The following ITFG1 variants were observed in gnomAD, a reference collection of about 807,000 sequenced individuals.
ITFG1 encodes the protein integrin alpha FG-GAP repeat containing 1, also known as T-cell immunomodulatory protein.
In ITFG1, 34 loss-of-function variants were observed where a neutral mutation model predicts 81.8. The observed-to-expected ratio is 0.42, with a 90% confidence interval of 0.32 to 0.55. The LOEUF is 0.55. Among genes scored for constraint, ITFG1 ranks in the 20% least tolerant of loss-of-function variants. The pLI is 0.17. For missense variants in ITFG1, 672 were observed against 755.4 expected, an observed-to-expected ratio of 0.89 and a Z score of 1.29; for synonymous variants, 285 against 270.6, an observed-to-expected ratio of 1.05 and a Z score of -0.52.
At chr16:47,185,455 T>C (rs377712336) in intron 14 of ITFG1, among the ~76,000 whole-genome samples, 1 of 152,160 alleles carries the variant, frequency 6.6e-6, no homozygotes, top group Non-Finnish European at 1.5e-5. Context: ...GGATTAAGAA[T>C]CTCACTCAAA....
intron 5 of ITFG1, among the ~76,000 whole-genome samples, chr16:47,439,399 TG>T (rs1969214742): frequency 6.6e-6 from 1 of 151,936 alleles, no homozygotes; most frequent in Admixed American, 6.6e-5. Context: ...TCACCAAAGT[TG>T]AAATGAAAGA....
chr16:47,302,595 T>C (rs1243842042), intron 10 of ITFG1, among the ~76,000 whole-genome samples: 1 of 152,178 alleles, frequency 6.6e-6, no homozygotes, highest in Non-Finnish European at 1.5e-5. Flanking sequence ...AATTTAAACG[T>C]TGTAAAAACT....
chr16:47,227,102 C>T (rs965118252), intron 13 of ITFG1, among the ~76,000 whole-genome samples: 3 of 152,138 alleles, frequency 2.0e-5, no homozygotes, highest in Admixed American at 1.3e-4. Flanking sequence ...TGAAATGATA[C>T]AACTGATACC....
chr16:47,211,341 A>G (rs546321851), intron 14 of ITFG1, among the ~76,000 whole-genome samples: 1 of 152,358 alleles, frequency 6.6e-6, no homozygotes, highest in African/African-American at 2.4e-5. Context: ...TAATGTACAG[A>G]CATACAACTG....
chr16:47,279,342 T>C (rs1020025181), intron 10 of ITFG1, among the ~76,000 whole-genome samples: 26 of 152,320 alleles, frequency 1.7e-4, no homozygotes, highest in Middle Eastern at 3.4e-3. Context: ...GGTTTTTTTT[T>C]CCCTGCTAGG....
chr16:47,407,993 C>A (rs1166232979), intron 6 of ITFG1, among the ~76,000 whole-genome samples: 1 of 152,156 alleles, frequency 6.6e-6, no homozygotes, highest in Non-Finnish European at 1.5e-5. Context: ...CTACAAACAA[C>A]TGACACTCAG....
intron 6 of ITFG1, among the ~76,000 whole-genome samples, chr16:47,420,490 G>A (rs554629643): frequency 1.3e-5 from 2 of 152,290 alleles, no homozygotes; most frequent in Admixed American, 6.5e-5. Flanking sequence ...TAGAAAGCAC[G>A]TTGACATCTG....
chr16:47,171,425 C>G (rs1194597088), intron 14 of ITFG1, among the ~76,000 whole-genome samples: 1 of 151,924 alleles, frequency 6.6e-6, no homozygotes, highest in Non-Finnish European at 1.5e-5. Context: ...TTGCCTTTTC[C>G]CTTTTTTTTT....
At chr16:47,430,103 G>T (rs187973747) in intron 5 of ITFG1, among the ~76,000 whole-genome samples, 36 of 149,656 alleles carry the variant, frequency 2.4e-4, no homozygotes, top group Admixed American at 5.3e-4. Context: ...TGTCACCCAG[G>T]TTGTAGTGCA....
At chr16:47,357,158 A>G (rs16956031) in intron 8 of ITFG1, among the ~76,000 whole-genome samples, 10,659 of 152,208 alleles carry the variant, frequency 0.07, 641 homozygotes, top group African/African-American at 0.16. Context: ...TATTCCAATT[A>G]ATTTGTGGGT....
At chr16:47,205,306 C>A (rs1378871502) in intron 14 of ITFG1, among the ~76,000 whole-genome samples, 1 of 152,106 alleles carries the variant, frequency 6.6e-6, no homozygotes, top group Non-Finnish European at 1.5e-5. Flanking sequence ...CCAGTAGCAC[C>A]CTCCCAGTTG....
At chr16:47,178,598 T>C (rs1409046459) in intron 14 of ITFG1, among the ~76,000 whole-genome samples, 2 of 152,150 alleles carry the variant, frequency 1.3e-5, no homozygotes, top group Non-Finnish European at 2.9e-5. Context: ...AAGACTTAAA[T>C]GTTAGACCTA....
chr16:47,416,874 G>C (rs1968882008), intron 6 of ITFG1, among the ~76,000 whole-genome samples: 1 of 152,110 alleles, frequency 6.6e-6, no homozygotes, highest in African/African-American at 2.4e-5. Context: ...AATATATTCT[G>C]GACAATGAGA....
chr16:47,297,385 A>G (rs895843629), intron 10 of ITFG1, among the ~76,000 whole-genome samples: 4 of 152,048 alleles, frequency 2.6e-5, no homozygotes, highest in Non-Finnish European at 5.9e-5. Flanking sequence ...CCATCAATTT[A>G]TATCTTTTAA....
chr16:47,440,451 T>G (rs13336943), intron 5 of ITFG1, among the ~76,000 whole-genome samples: 18,016 of 152,012 alleles, frequency 0.12, 2,355 homozygotes, highest in African/African-American at 0.33. Flanking sequence ...GCACTTCTCA[T>G]CAAATGTAAA....
chr16:47,428,937 A>T (rs1487280926), intron 5 of ITFG1, 39 bp from the exon 6 acceptor site: 3 of 1,143,068 alleles, frequency 2.6e-6, no homozygotes, highest in Non-Finnish European at 3.8e-6. Context: ...TAAGGCAAAC[A>T]TCAAATGAGC....
At position 47,340,973 on chromosome 16, in the gene ITFG1, CT is replaced by C. The variant is rs570354087; in HGVS notation, c.802+24814del. On this transcript the variant is annotated intron_variant, in intron 8 of 17. Coordinates refer to ENST00000320640, the MANE Select transcript of ITFG1 (RefSeq NM_030790.5). Reference sequence around the variant, plus strand: ...TCATACATACACCTAAAAACATAGGCTCAAAATGTAAGAAGCACATTCTCTA... The same window carrying C: ...TCATACATACACCTAAAAACATAGGCCAAAATGTAAGAAGCACATTCTCTA... 2.4e-3 allele frequency among the ~76,000 whole-genome samples: 363 copies of C among 151,966 alleles called. 1 individual carries two copies. Among genetic ancestry groups the C allele is most frequent in the Non-Finnish European group, 4.4e-3 (301 of 67,954 alleles).
Position 47,383,963 on chromosome 16 carries a change from T to G in ITFG1, c.656-8023A>C, listed in dbSNP as rs950817980. Among the ~76,000 whole-genome samples the G allele has an allele frequency of 3.9e-5, 6 of 152,218 alleles. 1 individual carries two copies. Among genetic ancestry groups the G allele is most frequent in the African/African-American group, 1.4e-4 (6 of 41,454 alleles). On this transcript the variant is annotated intron_variant, in intron 6 of 17. Coordinates refer to ENST00000320640, the MANE Select transcript of ITFG1 (RefSeq NM_030790.5). ...CTGATGTTAAAGGACTTCCCAAAATTACATTTTTTAATGCATTTCTGTCTC... is the reference window on the plus strand; with the variant it reads ...CTGATGTTAAAGGACTTCCCAAAATGACATTTTTTAATGCATTTCTGTCTC...
intron 6 of ITFG1, among the ~76,000 whole-genome samples, chr16:47,378,345 G>A (rs763163299): frequency 1.2e-4 from 18 of 152,188 alleles, no homozygotes; most frequent in African/African-American, 1.4e-4. Context: ...GGCAGTTAGC[G>A]TCATGGGATT....
Sources: allele counts gnomAD v4.1 joint callset (sites outside exome capture counted in the v4.1 genomes callset), GRCh38; gene constraint gnomAD v4.1.1; transcripts MANE v1.5; gene names NCBI Gene and HGNC (gene_info 2026-07-23, HGNC 2026-07-21).